PTK2B: variants seen among roughly 807,000 people sequenced by gnomAD.
PTK2B encodes protein tyrosine kinase 2 beta.
Under a neutral mutation model 142.9 loss-of-function variants are expected in PTK2B, and 71 were observed. The ratio of observed to expected loss-of-function variants is 0.50; its 90% CI spans 0.41 to 0.61. The LOEUF (loss-of-function observed/expected upper bound fraction) is 0.61, where lower values mean the gene tolerates loss of function less well. PTK2B is among the 20% of genes least tolerant of loss of function. The probability of loss-of-function intolerance (pLI) is 0.00; values close to 1 mark genes in which losing one functional copy is unlikely to be tolerated. For synonymous variants in PTK2B, 519 were observed against 503.4 expected, an observed-to-expected ratio of 1.03 and a Z score of -0.42; for missense variants, 1,105 against 1,320.4, an observed-to-expected ratio of 0.84 and a Z score of 2.53.
chr8:27,458,766 G>A lies in PTK2B; in HGVS notation c.*257G>A, dbSNP rs1482380555. 5.4e-6 allele frequency: 3 copies of A among 551,874 alleles called. No homozygotes were observed. Among genetic ancestry groups the A allele is most frequent in the East Asian group, 3.1e-5 (1 of 32,476 alleles). The allele number at this position is 551,874 out of a possible 1,614,324, so 34.2% of individuals were successfully genotyped here. A position where few individuals can be genotyped will look rare whatever the true frequency, so the allele number is the denominator to read the frequency against. On this transcript the variant is annotated 3_prime_UTR_variant, in exon 31 of 31. Transcript: ENST00000346049. The stretch of plus-strand genomic sequence containing the variant: ...CTCAGAGGGGGACTGCTGCTGCCTG[G>A]CCACTGCTCCCTAAGCCAGCCTGGT...
chr8:27,448,756 C>T (rs897444628), intron 24 of PTK2B, among the ~76,000 whole-genome samples: 2 of 152,232 alleles, frequency 1.3e-5, no homozygotes, highest in African/African-American at 4.8e-5. Context: ...CTGTTTGTCA[C>T]TATTTGTCAA....
chr8:27,444,404 G>T, intron 23 of PTK2B, 133 bp downstream of exon 23: 1 of 955,112 alleles, frequency 1.0e-6, no homozygotes. Context: ...ACTCTTCTTT[G>T]GCACCCAGAA....
Position 27,442,951 on chromosome 8 carries a change from G to A in PTK2B, c.2116G>A (p.Glu706Lys), listed in dbSNP as rs377363024. ...TCGCTACCGAACCCCCAAAATCTTG[G>A]AGCCCACAGCCTTCCAGGAACCCCC... ...NARYRTPKILEPTAFQEPPPK... is the reference protein window; with the variant it reads ...NARYRTPKILKPTAFQEPPPK... Residue 706 changes from glutamate (E) to lysine (K), a missense_variant, in exon 22 of 31, where the codon GAG (glutamate) becomes AAG (lysine). Glu to Lys is a moderately conservative substitution (Grantham distance 56). Coordinates refer to ENST00000346049, the MANE Select transcript of PTK2B (RefSeq NM_173176.3). The A allele has an allele frequency of 2.0e-5, 32 of 1,613,968 alleles. 1 individual carries two copies. The highest frequency in any genetic ancestry group is 1.6e-4 in the Middle Eastern group (1 of 6,084).
intron 13 of PTK2B, 105 bp from the exon 14 acceptor site, chr8:27,435,638 C>A: frequency 7.3e-7 from 1 of 1,368,040 alleles, no homozygotes; most frequent in South Asian, 1.2e-5. Context: ...CTCCTCCTAC[C>A]CCCTTGGGCT....
intron 1 of PTK2B, among the ~76,000 whole-genome samples, chr8:27,388,943 A>G (rs542434787): frequency 3.3e-5 from 5 of 152,224 alleles, no homozygotes; most frequent in African/African-American, 9.6e-5. Flanking sequence ...TCATTTCCCA[A>G]TGACCCCTCA....
intron 28 of PTK2B, 138 bp downstream of exon 28, chr8:27,453,298 A>AG: frequency 2.8e-6 from 3 of 1,062,160 alleles, no homozygotes; most frequent in Non-Finnish European, 4.1e-6. Context: ...GCCCGGGGTT[A>AG]GGGGGCGGGT....
intron 1 of PTK2B, among the ~76,000 whole-genome samples, chr8:27,364,926 C>A (rs1805929868): frequency 6.6e-6 from 1 of 152,206 alleles, no homozygotes; most frequent in Non-Finnish European, 1.5e-5. Context: ...GGGTTTCTTC[C>A]TGCAAATCTG....
In PTK2B at chr8:27,419,962, G is replaced by A. The variant is rs1344424606; in HGVS notation, c.272G>A (p.Gly91Glu). 2.9e-5 allele frequency: 47 copies of A among 1,614,074 alleles called. No individual in the cohort carries two copies. Among genetic ancestry groups the A allele is most frequent in the Non-Finnish European group, 3.9e-5 (46 of 1,180,046 alleles). ...GPNIRLAECY[G>E]LRLKHMKSDE... The stretch of plus-strand genomic sequence containing the variant: ...AACATCCGGTTGGCTGAGTGCTATG[G>A]GCTGAGGCTGAAGCACATGAAGTCC... The change falls in exon 3 of 31, where the codon GGG becomes GAG. Residue 91 changes from glycine to glutamate, a missense_variant. Gly to Glu is a moderately conservative substitution (Grantham distance 98). Coordinates refer to ENST00000346049, the MANE Select transcript of PTK2B (RefSeq NM_173176.3).
chr8:27,434,261 G>C, intron 12 of PTK2B, 129 bp downstream of exon 12: 1 of 1,266,894 alleles, frequency 7.9e-7, no homozygotes, highest in South Asian at 1.4e-5. Flanking sequence ...CCTGAAAAAA[G>C]ATGATCTTTC....
intron 1 of PTK2B, among the ~76,000 whole-genome samples, chr8:27,335,811 T>A (rs1804026414): frequency 1.3e-5 from 2 of 152,110 alleles, no homozygotes; most frequent in Admixed American, 1.3e-4. Context: ...CTCCTGTTTT[T>A]TATTTGTATG....
chr8:27,311,056 G>C (rs1338871369), upstream of PTK2B: 1 of 1,597,594 alleles, frequency 6.3e-7, no homozygotes, highest in Admixed American at 1.8e-5. Context: ...CGCGGTCTTT[G>C]CACACTGGGC....
intron 1 of PTK2B, among the ~76,000 whole-genome samples, chr8:27,395,506 A>G (rs1232657943): frequency 5.9e-5 from 9 of 152,108 alleles, no homozygotes; most frequent in Admixed American, 5.9e-4. Context: ...CAGGGCTGCC[A>G]CTGTTCCCTC....
upstream of PTK2B, chr8:27,323,375 A>G (rs907892462): frequency 6.6e-6 from 1 of 152,270 alleles, no homozygotes; most frequent in Admixed American, 6.6e-5. Flanking sequence ...AGCTGAAAGG[A>G]CATTTGTTCA....
intron 1 of PTK2B, chr8:27,327,026 G>A (rs1293071852): frequency 6.6e-6 from 1 of 152,358 alleles, no homozygotes; most frequent in Non-Finnish European, 1.5e-5. Flanking sequence ...GGCCAGGAGG[G>A]CGTCCTGGCA....
chr8:27,376,196 T>C (rs889776477), intron 1 of PTK2B, among the ~76,000 whole-genome samples: 1 of 152,188 alleles, frequency 6.6e-6, no homozygotes, highest in South Asian at 2.1e-4. Flanking sequence ...AACAGGGAGC[T>C]GTAGAGTGGG....
intron 30 of PTK2B, 84 bp from the exon 31 acceptor site, chr8:27,458,210 G>T (rs1812269343): frequency 6.5e-6 from 9 of 1,376,088 alleles, no homozygotes; most frequent in Non-Finnish European, 8.1e-6. Context: ...TGGCCAGCAT[G>T]CAGGTGGACA....
At position 27,397,715 on chromosome 8, in the gene PTK2B, G is replaced by C. The variant is rs577784299; in HGVS notation, c.131G>C (p.Cys44Ser). The change falls in exon 2 of 31, where the codon TGC (cysteine) becomes TCC (serine). Residue 44 changes from cysteine to serine, a missense_variant. Cys to Ser is a moderately radical substitution (Grantham distance 112). Transcript: ENST00000346049. ...EKEDVRILKV[C>S]FYSNSFNPGK... is the part of the protein sequence containing the mutation. Reference sequence around the variant, plus strand: ...GAGGACGTGCGTATCCTCAAGGTCTGCTTCTATAGCAACAGCTTCAATCCT... The same window carrying C: ...GAGGACGTGCGTATCCTCAAGGTCTCCTTCTATAGCAACAGCTTCAATCCT... 36 of 1,614,162 alleles carry C rather than the reference G, an allele frequency of 2.2e-5. No homozygotes were observed. Among genetic ancestry groups the C allele is most frequent in the Non-Finnish European group, 3.1e-5 (36 of 1,180,060 alleles).
At chr8:27,317,028 T>C (rs1265657854) in intron 3 of PTK2B, among the ~76,000 whole-genome samples, 1 of 152,200 alleles carries the variant, frequency 6.6e-6, no homozygotes, top group Admixed American at 6.5e-5. Context: ...TTTAGATTCA[T>C]CCTCTCTCTG....
At chr8:27,361,968 CTA>C (rs1320319191) in intron 1 of PTK2B, among the ~76,000 whole-genome samples, 2 of 152,172 alleles carry the variant, frequency 1.3e-5, no homozygotes, top group South Asian at 2.1e-4. Context: ...CAAGCACACT[CTA>C]TGTGTTCAAA....
Sources: gnomAD v4.1 joint callset for allele counts (sites outside exome capture counted in the v4.1 genomes callset) on GRCh38, gnomAD v4.1.1 for gene constraint, MANE v1.5 for transcripts, NCBI Gene and HGNC (gene_info 2026-07-23, HGNC 2026-07-21) for gene names.